Variants in GLIS3 observed in about 807,000 individuals in gnomAD.
The protein encoded by GLIS3 is zinc finger protein GLIS3.
A neutral mutation model predicts 78.6 loss-of-function variants in GLIS3; 53 were observed. The observed-to-expected ratio is 0.67, with a 90% CI of 0.54 to 0.85. The LOEUF (loss-of-function observed/expected upper bound fraction) is 0.85. Among genes scored for constraint, GLIS3 ranks in the 40% least tolerant of loss-of-function variants. GLIS3 has a pLI of 0.00. For synonymous variants in GLIS3, 684 were observed against 509.9 expected (o/e 1.34, Z -4.60); for missense variants, 1,703 against 1,231.1 (o/e 1.38, Z -5.74).
At chr9:4,185,593 T>A (rs904790115) in intron 2 of GLIS3, among the ~76,000 whole-genome samples, 1 of 151,298 alleles carries the variant, frequency 6.6e-6, no homozygotes, top group African/African-American at 2.5e-5. Context: ...AGATGGCACA[T>A]TCAAATTACA....
chr9:4,015,691 C>T (rs1355405614), intron 4 of GLIS3, among the ~76,000 whole-genome samples: 1 of 151,914 alleles, frequency 6.6e-6, no homozygotes, highest in African/African-American at 2.4e-5. Context: ...AGTCTGAGAC[C>T]AGCCTGGCCA....
At chr9:4,181,332 T>C (rs1192415545) in intron 2 of GLIS3, among the ~76,000 whole-genome samples, 2 of 152,180 alleles carry the variant, frequency 1.3e-5, no homozygotes, top group Non-Finnish European at 2.9e-5. Context: ...CTCAGACCCA[T>C]CCCAGCCACT....
At chr9:4,187,524 T>A (rs1414490068) in intron 2 of GLIS3, among the ~76,000 whole-genome samples, 1 of 152,220 alleles carries the variant, frequency 6.6e-6, no homozygotes, top group African/African-American at 2.4e-5. Flanking sequence ...TTTTTCCAAT[T>A]CTGTGAAGAA....
intron 4 of GLIS3, among the ~76,000 whole-genome samples, chr9:4,011,265 C>T (rs994083385): frequency 1.1e-4 from 17 of 152,142 alleles, no homozygotes; most frequent in South Asian, 4.1e-4. Context: ...ACTGGAGAAT[C>T]GGGTTTGTAA....
intron 4 of GLIS3, among the ~76,000 whole-genome samples, chr9:4,023,336 T>C (rs1823041144): frequency 6.6e-6 from 1 of 152,166 alleles, no homozygotes; most frequent in Admixed American, 6.5e-5. Context: ...TTCAGAAAAT[T>C]TAAACAAAAC....
rs1043603136 is a variant in GLIS3, at chr9:3,965,764, G to A, written c.1711-28575C>T. ...ACAAGCTGCAGATGTACCAGGTGAT[G>A]ACCCAGAGCTACTTACTGGCCACCA... On this transcript the variant is annotated intron_variant, in intron 4 of 10. Transcript: ENST00000381971. Among the ~76,000 whole-genome samples, 8 of 152,180 alleles carry A rather than the reference G, an allele frequency of 5.3e-5. No individual in the cohort carries two copies. In the South Asian group the frequency reaches 8.3e-4, roughly 16 times the overall value.
intron 8 of GLIS3, among the ~76,000 whole-genome samples, chr9:3,872,963 A>G (rs982014407): frequency 6.6e-6 from 1 of 152,208 alleles, no homozygotes; most frequent in Non-Finnish European, 1.5e-5. Flanking sequence ...ATATACAAAG[A>G]AGCAACCAAA....
chr9:3,974,153 TA>T (rs1477364669), intron 4 of GLIS3, among the ~76,000 whole-genome samples: 1 of 152,148 alleles, frequency 6.6e-6, no homozygotes, highest in Non-Finnish European at 1.5e-5. Context: ...GTTCTGGATT[TA>T]CACCTTTTTT....
At chr9:4,272,155 T>C (rs1471235163) in intron 2 of GLIS3, among the ~76,000 whole-genome samples, 1 of 152,168 alleles carries the variant, frequency 6.6e-6, no homozygotes, top group Non-Finnish European at 1.5e-5. Context: ...ATTGCCTACC[T>C]GACTGCACCA....
At chr9:4,381,224 A>G in the GLIS3 span, among the ~76,000 whole-genome samples, 1 of 152,248 alleles carries the variant, frequency 6.6e-6, no homozygotes, top group Non-Finnish European at 1.5e-5. Flanking sequence ...TGAGTTCAAC[A>G]TGAAAATATC....
chr9:4,207,896 CT>C (rs1412008982), intron 2 of GLIS3, among the ~76,000 whole-genome samples: 1 of 152,184 alleles, frequency 6.6e-6, no homozygotes, highest in Non-Finnish European at 1.5e-5. Flanking sequence ...TCTAACTTCG[CT>C]TTCTTTATCT....
chr9:3,971,400 A>T (rs1164059724), intron 4 of GLIS3, among the ~76,000 whole-genome samples: 2 of 152,210 alleles, frequency 1.3e-5, no homozygotes, highest in Non-Finnish European at 2.9e-5. Flanking sequence ...AAAAGTCATT[A>T]TCTGATCCCT....
In GLIS3 at chr9:4,013,533, T is replaced by G. The variant is rs75932492; in HGVS notation, c.1711-76344A>C. ...AAAGACTAATCTGCATACACATCTATACATTTATAGCCTGCATACAGGGCC... is the reference window on the plus strand; with the variant it reads ...AAAGACTAATCTGCATACACATCTAGACATTTATAGCCTGCATACAGGGCC... On this transcript the variant is annotated intron_variant, in intron 4 of 10. Transcript: ENST00000381971. Among the ~76,000 whole-genome samples, 639 of 152,348 alleles carry G rather than the reference T, an allele frequency of 4.2e-3. 7 individuals carry two copies. Among genetic ancestry groups the G allele is most frequent in the African/African-American group, 0.014 (597 of 41,572 alleles).
rs34253104 is a variant in GLIS3, at chr9:4,340,293, G to GAA, written n.264+6786_264+6787dup. 2.7e-3 allele frequency among the ~76,000 whole-genome samples: 356 copies of GAA among 133,164 alleles called. 1 individual carries two copies. Among genetic ancestry groups the GAA allele is most frequent in the Middle Eastern group, 7.2e-3 (2 of 276 alleles). 87.4% of individuals were successfully genotyped at this position (133,164 alleles called of 152,430 possible). A position where few individuals can be genotyped will look rare whatever the true frequency, so the allele number is the denominator to read the frequency against. ...AGTTTAGGAATTACAAATCAAATGAGAAAAAAAAAAAAAAGTATGTCATTT... is the reference window on the plus strand; with the variant it reads ...AGTTTAGGAATTACAAATCAAATGAGAAAAAAAAAAAAAAAAGTATGTCATTT... On this transcript the variant is annotated intron_variant and non_coding_transcript_variant, in intron 2 of 4. Transcript: ENST00000471664.
At chr9:4,185,283 A>G (rs7034334) in intron 2 of GLIS3, among the ~76,000 whole-genome samples, 130,529 of 152,232 alleles carry the variant, frequency 0.86, 56,624 homozygotes, top group East Asian at 1. Flanking sequence ...AGATGTTTTA[A>G]AATTCATTAT....
At chr9:4,267,672 G>C (rs1397026073) in intron 2 of GLIS3, among the ~76,000 whole-genome samples, 1 of 152,254 alleles carries the variant, frequency 6.6e-6, no homozygotes, top group South Asian at 2.1e-4. Context: ...GTTCCTAAAA[G>C]GTGACCAGGA....
At chr9:3,888,349 T>G (rs1000995365) in intron 7 of GLIS3, among the ~76,000 whole-genome samples, 4 of 152,210 alleles carry the variant, frequency 2.6e-5, no homozygotes, top group Admixed American at 2.6e-4. Context: ...TTTCAGAGCA[T>G]GCTGAGACAA....
chr9:4,309,306 C>A (rs1478402310), intron 3 of GLIS3, among the ~76,000 whole-genome samples: 1 of 152,194 alleles, frequency 6.6e-6, no homozygotes, highest in Non-Finnish European at 1.5e-5. Flanking sequence ...ATATATATAA[C>A]CTGTCATTAA....
At chr9:3,938,706 TTGG>T (rs1428522264) in intron 4 of GLIS3, among the ~76,000 whole-genome samples, 2 of 152,228 alleles carry the variant, frequency 1.3e-5, no homozygotes, top group Non-Finnish European at 2.9e-5. Flanking sequence ...TAAAATAATT[TTGG>T]TGTTTTCCTG....
Sources: allele counts gnomAD v4.1 joint callset (sites outside exome capture counted in the v4.1 genomes callset), GRCh38; gene constraint gnomAD v4.1.1; transcripts MANE v1.5; gene names NCBI Gene and HGNC (gene_info 2026-07-23, HGNC 2026-07-21).